The following SECISBP2L variants were observed in gnomAD, a reference collection of about 807,000 sequenced individuals.
The protein encoded by SECISBP2L is selenocysteine insertion sequence-binding protein 2-like.
SECISBP2L carries 43 observed loss-of-function variants against 114.7 expected under a neutral mutation model. That is an observed-to-expected ratio of 0.38 (90% confidence interval 0.29 to 0.48). SECISBP2L has a LOEUF of 0.48. Ranked by LOEUF, SECISBP2L falls within the 20% of genes least tolerant of loss-of-function variation. The pLI is 0.98. For synonymous variants in SECISBP2L, 451 were observed against 439.7 expected, an observed-to-expected ratio of 1.03 and a Z score of -0.32; for missense variants, 1,136 against 1,301.1, an observed-to-expected ratio of 0.87 and a Z score of 1.95.
chr15:49,020,977 A>G (rs754011127), intron 7 of SECISBP2L, among the ~76,000 whole-genome samples: 5 of 152,222 alleles, frequency 3.3e-5, no homozygotes, highest in Admixed American at 3.3e-4. Context: ...GTTATGGACT[A>G]AAATGTTTCC....
At chr15:49,045,495 T>TG (rs568934003) in intron 1 of SECISBP2L, among the ~76,000 whole-genome samples, 4 of 152,232 alleles carry the variant, frequency 2.6e-5, no homozygotes, top group East Asian at 3.9e-4. Context: ...TGGAAAATAC[T>TG]GGGGGGGAAA....
At chr15:49,014,304 T>C (rs1397435816) in intron 11 of SECISBP2L, among the ~76,000 whole-genome samples, 3 of 152,218 alleles carry the variant, frequency 2.0e-5, no homozygotes, top group African/African-American at 7.2e-5. Flanking sequence ...TTCTTCCTCT[T>C]ATCCTTTAAA....
intron 17 of SECISBP2L, among the ~76,000 whole-genome samples, chr15:48,994,400 T>C (rs1402893438): frequency 6.6e-6 from 1 of 152,184 alleles, no homozygotes; most frequent in Non-Finnish European, 1.5e-5. Context: ...ATTGTCTAAC[T>C]GGCTTTTTAT....
At chr15:49,010,497 T>G (rs912763927) in intron 13 of SECISBP2L, among the ~76,000 whole-genome samples, 15 of 150,498 alleles carry the variant, frequency 1.0e-4, no homozygotes, top group African/African-American at 3.4e-4. Context: ...ACACATGGTG[T>G]TTTTTTTTGG....
intron 17 of SECISBP2L, among the ~76,000 whole-genome samples, chr15:48,994,173 C>T (rs1902043753): frequency 6.6e-6 from 1 of 151,962 alleles, no homozygotes; most frequent in Admixed American, 6.6e-5. Flanking sequence ...ATCATTTACA[C>T]AATCTCAAAG....
chr15:49,033,922 A>G (rs1902949308), intron 3 of SECISBP2L, among the ~76,000 whole-genome samples: 1 of 152,196 alleles, frequency 6.6e-6, no homozygotes, highest in South Asian at 2.1e-4. Flanking sequence ...AACTTACACA[A>G]TAGAACTCTG....
chr15:49,000,679 C>T (rs572209576), intron 15 of SECISBP2L, among the ~76,000 whole-genome samples, 198 bp downstream of exon 15: 6 of 152,306 alleles, frequency 3.9e-5, no homozygotes, highest in African/African-American at 1.4e-4. Flanking sequence ...GGTGTTCATA[C>T]ATGAGGATTT....
chr15:49,030,992 T>C (rs1902871804), intron 4 of SECISBP2L, among the ~76,000 whole-genome samples: 1 of 151,804 alleles, frequency 6.6e-6, no homozygotes, highest in Admixed American at 6.6e-5. Context: ...TTGAACATGA[T>C]ATTTAGGTTT....
At chr15:49,030,228 T>C (rs1370386201) in intron 4 of SECISBP2L, among the ~76,000 whole-genome samples, 1 of 152,354 alleles carries the variant, frequency 6.6e-6, no homozygotes, top group Non-Finnish European at 1.5e-5. Flanking sequence ...TATTATTCCA[T>C]TGAGTGGGTG....
chr15:49,044,122 C>T (rs1373849473), intron 1 of SECISBP2L, among the ~76,000 whole-genome samples: 2 of 151,898 alleles, frequency 1.3e-5, no homozygotes, highest in Non-Finnish European at 2.9e-5. Flanking sequence ...ATGCTGTAGG[C>T]ATCTAGAGAA....
intron 8 of SECISBP2L, among the ~76,000 whole-genome samples, chr15:49,018,256 AT>A (rs111439945): frequency 0.19 from 26,254 of 139,694 alleles, 2,518 homozygotes; most frequent in Non-Finnish European, 0.25. Flanking sequence ...CATATTATTG[AT>A]TTTTTTTTTT....
chr15:48,992,143 G>T lies in SECISBP2L; in HGVS notation c.*101C>A, dbSNP rs923679879. ...AAAATATTTGTTGGGAATTAAATAC[G>T]TATATTAAATACTGGACAGTGCAAA... On this transcript the variant is annotated 3_prime_UTR_variant, in exon 18 of 18. Coordinates refer to ENST00000559471, the MANE Select transcript of SECISBP2L (RefSeq NM_001193489.2). 2.8e-6 allele frequency: 3 copies of T among 1,059,768 alleles called. No individual in the cohort carries two copies. The highest frequency in any genetic ancestry group is 5.0e-5 in the Admixed American group (2 of 39,666). The allele number at this position is 1,059,768 out of a possible 1,614,324, so 65.6% of individuals were successfully genotyped here. A position where few individuals can be genotyped will look rare whatever the true frequency, so the allele number is the denominator to read the frequency against.
chr15:48,996,240 G>C, intron 17 of SECISBP2L, 127 bp downstream of exon 17: 3 of 943,138 alleles, frequency 3.2e-6, no homozygotes, highest in Non-Finnish European at 4.7e-6. Context: ...TTAATGCAAT[G>C]TTTTAAACCA....
intron 14 of SECISBP2L, among the ~76,000 whole-genome samples, chr15:49,003,942 T>C (rs2141064155): frequency 6.6e-6 from 1 of 152,372 alleles, no homozygotes; most frequent in African/African-American, 2.4e-5. Context: ...ATCAGGATGA[T>C]GCTGGCCTCA....
intron 14 of SECISBP2L, among the ~76,000 whole-genome samples, chr15:49,001,453 C>T (rs868039417): frequency 7.4e-6 from 1 of 135,392 alleles, no homozygotes; most frequent in Admixed American, 7.3e-5. Context: ...TCTTCCACAT[C>T]GTATTCTTTT....
At position 48,992,430 on chromosome 15, in the gene SECISBP2L, AG is replaced by A. The variant is rs755460369; in HGVS notation, c.3119del (p.Ser1040LeufsTer6). ...CACTTTGCTCTACATTGTCTTCCTC[AG>A]AACCATTAAGGGTTTTTCCAAGCTG... The part of the protein sequence containing the change: ...TLQLGKTLNG[S>X]EEDNVEQSGE... On this transcript the variant is annotated frameshift_variant, in exon 18 of 18. Coordinates refer to ENST00000559471, the MANE Select transcript of SECISBP2L (RefSeq NM_001193489.2). LOFTEE classifies it low-confidence loss of function (END_TRUNC). 8.7e-6 allele frequency: 14 copies of A among 1,614,042 alleles called. No homozygotes were observed. The Admixed American group carries it at 1.0e-4, about 12-fold the overall frequency.
intron 14 of SECISBP2L, 50 bp from the exon 15 acceptor site, chr15:49,001,147 T>C (rs770505888): frequency 2.4e-6 from 3 of 1,262,310 alleles, no homozygotes; most frequent in South Asian, 1.4e-5. Context: ...TTTTTCCCTA[T>C]AGTTATAAAA....
rs772299775 is a variant in SECISBP2L at position 48,993,100 on chromosome 15, A to AGAGAGT, written c.2624-175_2624-174insACTCTC. Among the ~76,000 whole-genome samples the AGAGAGT allele has an allele frequency of 4.4e-3, 606 of 139,210 alleles. 2 individuals are homozygous for AGAGAGT. Among genetic ancestry groups the AGAGAGT allele is most frequent in the African/African-American group, 0.013 (476 of 35,416 alleles). The allele number at this position is 139,210 out of a possible 152,430, so 91.3% of individuals were successfully genotyped here. On this transcript the variant is annotated intron_variant, in intron 17 of 17. Transcript: ENST00000559471. ...TAGTACTAGTTTGAGACAGAGAGAG[A>AGAGAGT]GTGTGTGTGTGTGTGTGTGTGTGTG...
intron 1 of SECISBP2L, among the ~76,000 whole-genome samples, chr15:49,039,532 T>C (rs1903079560): frequency 6.7e-6 from 1 of 150,374 alleles, no homozygotes; most frequent in Non-Finnish European, 1.5e-5. Context: ...TTTCTTTCTT[T>C]TTTTTTTTTT....
Sources: gnomAD v4.1 joint callset for allele counts (sites outside exome capture counted in the v4.1 genomes callset) on GRCh38, gnomAD v4.1.1 for gene constraint, MANE v1.5 for transcripts, NCBI Gene and HGNC (gene_info 2026-07-23, HGNC 2026-07-21) for gene names.